The following PCNX1 variants were observed in gnomAD, a reference collection of about 807,000 sequenced individuals.
PCNX1 encodes the protein pecanex-like protein 1.
Under a neutral mutation model 242.2 loss-of-function variants are expected in PCNX1, and 78 were observed. That is an observed-to-expected ratio of 0.32 (90% CI 0.27 to 0.39). The LOEUF (loss-of-function observed/expected upper bound fraction) is 0.39. PCNX1 is among the 10% of genes least tolerant of loss of function. The pLI, the probability that PCNX1 is intolerant of heterozygous loss-of-function variation, is 1.00. For synonymous variants in PCNX1, 1,024 were observed against 1,032.9 expected (o/e 0.99, Z 0.17); for missense variants, 2,581 against 2,856.5 (o/e 0.90, Z 2.20).
chr14:71,075,275 G>A (rs1477666498), intron 27 of PCNX1, among the ~76,000 whole-genome samples: 11 of 152,074 alleles, frequency 7.2e-5, no homozygotes, highest in Non-Finnish European at 1.5e-4. Flanking sequence ...ATAGGTGTGA[G>A]CCGCCATCCC....
At chr14:71,103,299 A>G (rs1304059322) in intron 31 of PCNX1, 96 bp from the exon 32 acceptor site, 17 of 1,335,196 alleles carry the variant, frequency 1.3e-5, no homozygotes, top group East Asian at 4.6e-5. Context: ...ACTGGTTATC[A>G]TAATATCTTT....
intron 8 of PCNX1, among the ~76,000 whole-genome samples, chr14:71,007,463 C>G (rs983040253): frequency 3.3e-5 from 5 of 152,008 alleles, no homozygotes; most frequent in African/African-American, 1.2e-4. Flanking sequence ...AATTTAAGTT[C>G]TATTGAATAC....
At chr14:71,030,545 T>G (rs1194840176) in intron 16 of PCNX1, among the ~76,000 whole-genome samples, 2 of 152,156 alleles carry the variant, frequency 1.3e-5, no homozygotes, top group Non-Finnish European at 2.9e-5. Flanking sequence ...AGGGTGTGTG[T>G]AAGAAAACAG....
chr14:71,035,002 A>C lies in PCNX1; in HGVS notation c.3774+966A>C, dbSNP rs551803744. On this transcript the variant is annotated intron_variant, in intron 18 of 35. Transcript: ENST00000304743. ...TAGGACTTAAGCACACAGTTTTCAC[A>C]TGTCAAAAGACCAATGAAGATATAA... Among the ~76,000 whole-genome samples the C allele has an allele frequency of 5.9e-5, 9 of 152,352 alleles. No homozygotes were observed. In the East Asian group the frequency reaches 1.5e-3, roughly 26 times the overall value.
chr14:71,087,250 A>G (rs2062017691), intron 28 of PCNX1, among the ~76,000 whole-genome samples: 1 of 152,034 alleles, frequency 6.6e-6, no homozygotes, highest in Non-Finnish European at 1.5e-5. Flanking sequence ...TTTTTTTTCA[A>G]AATGCCTACT....
intron 1 of PCNX1, among the ~76,000 whole-genome samples, chr14:70,921,378 T>G (rs1295213101): frequency 1.3e-5 from 2 of 152,150 alleles, no homozygotes; most frequent in Admixed American, 1.3e-4. Flanking sequence ...GATTTATATA[T>G]CAAGCAGTCC....
chr14:70,990,435 G>A (rs186920508), intron 7 of PCNX1, among the ~76,000 whole-genome samples: 40 of 151,804 alleles, frequency 2.6e-4, no homozygotes, highest in African/African-American at 9.7e-4. Context: ...CTGGTGGTAC[G>A]CACCTGTAGT....
intron 1 of PCNX1, among the ~76,000 whole-genome samples, chr14:70,940,660 T>G (rs1250463498): frequency 6.6e-6 from 1 of 152,194 alleles, no homozygotes; most frequent in Non-Finnish European, 1.5e-5. Context: ...TTTCCTGAAT[T>G]TGAATGTTGG....
chr14:70,938,397 T>C (rs2057097318), intron 1 of PCNX1, among the ~76,000 whole-genome samples: 1 of 152,220 alleles, frequency 6.6e-6, no homozygotes, highest in Admixed American at 6.5e-5. Context: ...AATCGTGGTT[T>C]TTGTCTTTGG....
rs60333920 is a variant in PCNX1 at position 70,924,231 on chromosome 14, CAAAAAAAA to C, written c.153+16239_153+16246del. Reference sequence around the variant, plus strand: ...TGGGTGACACAGAGTGAGACTGTCTCAAAAAAAAAAAAAAAAAAGAAAAAGAAAAAACA... The same window carrying C: ...TGGGTGACACAGAGTGAGACTGTCTCAAAAAAAAAAGAAAAAGAAAAAACA... On this transcript the variant is annotated intron_variant, in intron 1 of 35. Coordinates refer to ENST00000304743, the MANE Select transcript of PCNX1 (RefSeq NM_014982.3). Among the ~76,000 whole-genome samples the C allele has an allele frequency of 3.5e-4, 34 of 97,978 alleles. 1 individual carries two copies. Among genetic ancestry groups the C allele is most frequent in the Admixed American group, 2.7e-3 (24 of 9,056 alleles). The allele number at this position is 97,978 out of a possible 152,430, so 64.3% of individuals were successfully genotyped here. A position where few individuals can be genotyped will look rare whatever the true frequency, so the allele number is the denominator to read the frequency against.
At position 71,057,886 on chromosome 14, in the gene PCNX1, T is replaced by C. The variant is rs376501331; in HGVS notation, c.4852+162T>C. The stretch of plus-strand genomic sequence containing the variant: ...AAGTATTAGATTTTTTCACCCCACA[T>C]TCCATATTCCAAGAAGAATCATGTT... On this transcript the variant is annotated intron_variant, in intron 26 of 35. Coordinates refer to ENST00000304743, the MANE Select transcript of PCNX1 (RefSeq NM_014982.3). Among the ~76,000 whole-genome samples the C allele has an allele frequency of 3.6e-3, 549 of 152,344 alleles. 1 individual carries two copies. Among genetic ancestry groups the C allele is most frequent in the African/African-American group, 0.013 (532 of 41,580 alleles).
intron 11 of PCNX1, among the ~76,000 whole-genome samples, chr14:71,013,537 A>G (rs2059878978): frequency 8.0e-6 from 1 of 124,934 alleles, no homozygotes; most frequent in Non-Finnish European, 2.0e-5. Context: ...TATAACAGTT[A>G]TAAGAGGAAA....
intron 8 of PCNX1, among the ~76,000 whole-genome samples, chr14:71,004,618 T>C (rs909670420): frequency 1.3e-5 from 2 of 152,138 alleles, no homozygotes; most frequent in Non-Finnish European, 2.9e-5. Context: ...GCCAGAAAGG[T>C]TGGGGGCCAG....
At chr14:71,062,461 T>A (rs2061350423) in intron 26 of PCNX1, among the ~76,000 whole-genome samples, 1 of 151,794 alleles carries the variant, frequency 6.6e-6, no homozygotes. Context: ...TAAAACATTT[T>A]AAAATGTTTA....
At chr14:70,908,666 G>A (rs958383026) in intron 1 of PCNX1, among the ~76,000 whole-genome samples, 1 of 152,214 alleles carries the variant, frequency 6.6e-6, no homozygotes, top group African/African-American at 2.4e-5. Context: ...TTCTCTGTTC[G>A]GCCCCGTGGC....
intron 7 of PCNX1, among the ~76,000 whole-genome samples, chr14:70,990,192 G>A (rs2059121573): frequency 6.6e-6 from 1 of 151,782 alleles, no homozygotes; most frequent in African/African-American, 2.4e-5. Flanking sequence ...ATCTCGGAAT[G>A]TGCTGTGATT....
At chr14:71,073,472 TTA>T in intron 26 of PCNX1, 71 bp from the exon 27 acceptor site, 3 of 1,378,842 alleles carry the variant, frequency 2.2e-6, no homozygotes, top group Non-Finnish European at 3.0e-6. Flanking sequence ...TTTCTAAATC[TTA>T]TGTGTCCTTG....
intron 1 of PCNX1, among the ~76,000 whole-genome samples, chr14:70,940,185 G>C (rs1011350382): frequency 1.3e-5 from 2 of 152,128 alleles, no homozygotes; most frequent in African/African-American, 4.8e-5. Flanking sequence ...ATGCTAGCTG[G>C]TTATTTTGCC....
chr14:71,046,140 A>G (rs2060854151), intron 20 of PCNX1, among the ~76,000 whole-genome samples: 1 of 152,100 alleles, frequency 6.6e-6, no homozygotes, highest in Non-Finnish European at 1.5e-5. Flanking sequence ...AAGCTTCCTA[A>G]TAAATAAAAA....
Sources: gnomAD v4.1 joint callset for allele counts (sites outside exome capture counted in the v4.1 genomes callset) on GRCh38, gnomAD v4.1.1 for gene constraint, MANE v1.5 for transcripts, NCBI Gene and HGNC (gene_info 2026-07-23, HGNC 2026-07-21) for gene names.